CENPF: variants seen among roughly 807,000 people sequenced by gnomAD.
CENPF encodes AH antigen.
CENPF carries 214 observed loss-of-function variants against 307.3 expected under a neutral mutation model. The observed-to-expected ratio is 0.70, with a 90% CI of 0.62 to 0.78. The LOEUF is 0.78. CENPF is among the 30% of genes least tolerant of loss of function. The probability of loss-of-function intolerance (pLI) is 0.00; values close to 1 mark genes in which losing one functional copy is unlikely to be tolerated. For missense variants in CENPF, 3,401 were observed against 3,483.9 expected (o/e 0.98, Z 0.60); for synonymous variants, 1,259 against 1,270.6 (o/e 0.99, Z 0.19).
chr1:214,646,432 AG>A lies in CENPF; in HGVS notation c.6863del (p.Ser2288IlefsTer2). 6.2e-7 allele frequency: 1 copy of A among 1,614,154 alleles called. No homozygotes were observed. The highest frequency in any genetic ancestry group is 8.5e-7 in the Non-Finnish European group (1 of 1,180,006). On this transcript the variant is annotated frameshift_variant, in exon 13 of 20. Coordinates refer to ENST00000366955, the MANE Select transcript of CENPF (RefSeq NM_016343.4). LOFTEE classifies it high-confidence loss of function. ...DQEIMKATEQ[S>X]LDPPIEEEHQ... ...AGAAATTATGAAGGCCACAGAACAG[AG>A]TCTAGACCCACCAATAGAGGAAGAG...
At chr1:214,606,315 G>A (rs1291544363) in intron 1 of CENPF, among the ~76,000 whole-genome samples, 1 of 151,450 alleles carries the variant, frequency 6.6e-6, no homozygotes, top group African/African-American at 2.4e-5. Context: ...GTTCCCTGGC[G>A]TTTCCTAGCT....
chr1:214,620,763 C>A lies in CENPF; in HGVS notation c.682C>A (p.Leu228Ile), dbSNP rs767294287. The change falls in exon 6 of 20, where the codon CTT becomes ATT. Residue 228 changes from leucine (L) to isoleucine (I), a missense_variant. Physicochemically the swap from Leu to Ile is conservative, Grantham distance 5. Coordinates refer to ENST00000366955, the MANE Select transcript of CENPF (RefSeq NM_016343.4). ...GCAGCAAGAGAAGACCCCAAGTCAT[C>A]TTTCATCTAATTCTCAAAGAACTCC... Reference protein sequence around the residue: ...SWQQEKTPSHLSSNSQRTPIR... With the variant: ...SWQQEKTPSHISSNSQRTPIR... 2.5e-6 allele frequency: 4 copies of A among 1,614,056 alleles called. No individual in the cohort carries two copies. The highest frequency in any genetic ancestry group is 3.4e-6 in the Non-Finnish European group (4 of 1,180,046).
chr1:214,612,319 G>A (rs1191400522), intron 1 of CENPF, among the ~76,000 whole-genome samples: 1 of 152,204 alleles, frequency 6.6e-6, no homozygotes, highest in Non-Finnish European at 1.5e-5. Flanking sequence ...TGGCGATGAA[G>A]CCTACTTGAT....
At chr1:214,611,621 C>T (rs1400105313) in intron 1 of CENPF, among the ~76,000 whole-genome samples, 4 of 152,240 alleles carry the variant, frequency 2.6e-5, no homozygotes, top group Non-Finnish European at 5.9e-5. Context: ...CCGCCTCAGC[C>T]TCCCAAAGTG....
At chr1:214,635,990 A>T (rs1002298376) in intron 10 of CENPF, among the ~76,000 whole-genome samples, 4 of 150,366 alleles carry the variant, frequency 2.7e-5, no homozygotes, top group Admixed American at 6.6e-5. Flanking sequence ...TGATTAAAAA[A>T]TTTTTTTTTT....
Position 214,642,057 on chromosome 1 carries a change from C to T in CENPF, c.3719C>T (p.Thr1240Ile). The T allele has an allele frequency of 6.2e-7, 1 of 1,611,028 alleles. No homozygotes were observed. Among genetic ancestry groups the T allele is most frequent in the Non-Finnish European group, 8.5e-7 (1 of 1,179,174 alleles). Residue 1240 changes from threonine (T) to isoleucine (I), a missense_variant, in exon 12 of 20, where the codon ACA becomes ATA. By Grantham distance (89) the Thr-to-Ile change is moderately conservative. Coordinates refer to ENST00000366955, the MANE Select transcript of CENPF (RefSeq NM_016343.4). The part of the protein sequence containing the change: ...EKECLQHELQ[T>I]IRGDLETSNL... ...GAGTGCCTGCAGCATGAATTACAGA[C>T]AATTAGAGGAGATCTTGAAACCAGC...
intron 10 of CENPF, among the ~76,000 whole-genome samples, chr1:214,636,928 T>A (rs1041276478): frequency 1.3e-5 from 2 of 152,200 alleles, no homozygotes; most frequent in African/African-American, 4.8e-5. Flanking sequence ...CAGTATAGGT[T>A]GAGATACTTG....
rs749900251 is a variant in CENPF at position 214,653,139 on chromosome 1, A to G, written c.8322+150A>G. Reference sequence around the variant, plus strand: ...TCATTCATCAGTTCTCTGCTGAGTTATCTTTAAAAAAAATCAGTGGGTCAT... The same window carrying G: ...TCATTCATCAGTTCTCTGCTGAGTTGTCTTTAAAAAAAATCAGTGGGTCAT... On this transcript the variant is annotated intron_variant, in intron 16 of 19. Coordinates refer to ENST00000366955, the MANE Select transcript of CENPF (RefSeq NM_016343.4). 37 of 738,188 alleles carry G rather than the reference A, an allele frequency of 5.0e-5. No individual in the cohort carries two copies. In the Admixed American group the frequency reaches 6.2e-4, roughly 12 times the overall value. 45.7% of individuals were successfully genotyped at this position (738,188 alleles called of 1,614,324 possible). A position where few individuals can be genotyped will look rare whatever the true frequency, so the allele number is the denominator to read the frequency against.
chr1:214,632,630 C>T, intron 10 of CENPF, 28 bp downstream of exon 10: 2 of 1,610,524 alleles, frequency 1.2e-6, no homozygotes, highest in Non-Finnish European at 1.7e-6. Flanking sequence ...CGAATTTTCT[C>T]CACTTATGTA....
At chr1:214,609,011 A>G (rs1657123598) in intron 1 of CENPF, among the ~76,000 whole-genome samples, 1 of 151,584 alleles carries the variant, frequency 6.6e-6, no homozygotes, top group South Asian at 2.1e-4. Flanking sequence ...GCCCAGCCCC[A>G]TCGCGGTCCA....
chr1:214,618,021 A>G (rs1657405563), intron 3 of CENPF, among the ~76,000 whole-genome samples: 5 of 152,202 alleles, frequency 3.3e-5, no homozygotes, highest in Admixed American at 3.3e-4. Flanking sequence ...GGAAACTTAC[A>G]ATCATAGCGG....
At chr1:214,631,653 C>G (rs1657812497) in intron 9 of CENPF, among the ~76,000 whole-genome samples, 1 of 152,182 alleles carries the variant, frequency 6.6e-6, no homozygotes. Context: ...GCGCCTGCCA[C>G]CACGCCTGGC....
chr1:214,605,585 C>T lies in CENPF; in HGVS notation c.-42+2264C>T, dbSNP rs538241817. 3.2e-4 allele frequency: 368 copies of T among 1,141,786 alleles called. 1 individual carries two copies. Among genetic ancestry groups the T allele is most frequent in the South Asian group, 5.5e-4 (38 of 69,684 alleles). 70.7% of individuals were successfully genotyped at this position (1,141,786 alleles called of 1,614,324 possible). On this transcript the variant is annotated intron_variant, in intron 1 of 19. Coordinates refer to ENST00000366955, the MANE Select transcript of CENPF (RefSeq NM_016343.4). ...TTGGAGCGGGGTCCCCTGGGCCGCC[C>T]GGGGGTCCACATGCAGCCCCTGGGG...
In CENPF at chr1:214,608,708, G is replaced by T. The variant is rs542251801; in HGVS notation, c.-41-5006G>T. The stretch of plus-strand genomic sequence containing the variant: ...AAGGGGGCGGCCCCGGCCCCACCAG[G>T]CCCCGGCTCGGGCTCAGTCACCAAG... On this transcript the variant is annotated intron_variant, in intron 1 of 19. Coordinates refer to ENST00000366955, the MANE Select transcript of CENPF (RefSeq NM_016343.4). The T allele has an allele frequency of 1.9e-5, 30 of 1,594,676 alleles. No homozygotes were observed. In the Admixed American group the frequency reaches 4.9e-4, roughly 26 times the overall value.
chr1:214,640,534 T>A lies in CENPF; in HGVS notation c.2196T>A (p.Val732=). Residue 732 remains valine, a synonymous_variant, in exon 12 of 20, where the codon GTT becomes GTA. Transcript: ENST00000366955. ...AGACTTCTCAGCTTACTGGGCAAGT[T>A]GAAGATCTAGAACACAAGCTTCAGT... ...CLKTSQLTGQ[V]EDLEHKLQLL... is the part of the protein sequence containing the mutation. The A allele has an allele frequency of 6.2e-7, 1 of 1,614,096 alleles. No individual in the cohort carries two copies. Among genetic ancestry groups the A allele is most frequent in the Non-Finnish European group, 8.5e-7 (1 of 1,179,996 alleles).
At chr1:214,638,584 C>G (rs1658023433) in intron 11 of CENPF, among the ~76,000 whole-genome samples, 1 of 152,140 alleles carries the variant, frequency 6.6e-6, no homozygotes, top group African/African-American at 2.4e-5. Context: ...ATTTTCTCAC[C>G]TGGGGTGTTT....
intron 14 of CENPF, 77 bp downstream of exon 14, chr1:214,648,904 C>T: frequency 1.4e-6 from 2 of 1,420,588 alleles, no homozygotes; most frequent in Non-Finnish European, 9.6e-7. Context: ...TCCTGTAAGA[C>T]CTTCTGTTGT....
At chr1:214,614,765 T>A in intron 2 of CENPF, 67 bp from the exon 3 acceptor site, 1 of 1,119,786 alleles carries the variant, frequency 8.9e-7, no homozygotes, top group South Asian at 1.8e-5. Context: ...TAGACTCAGG[T>A]TTACCAATAA....
chr1:214,606,470 G>A (rs1657037199), intron 1 of CENPF, among the ~76,000 whole-genome samples: 1 of 152,172 alleles, frequency 6.6e-6, no homozygotes, highest in Non-Finnish European at 1.5e-5. Context: ...TCCTGCCCGG[G>A]TTAGAAAGCC....
Sources: allele counts gnomAD v4.1 joint callset (sites outside exome capture counted in the v4.1 genomes callset), GRCh38; gene constraint gnomAD v4.1.1; transcripts MANE v1.5; gene names NCBI Gene and HGNC (gene_info 2026-07-23, HGNC 2026-07-21).